The following PNKD variants were observed in gnomAD, a reference collection of about 807,000 sequenced individuals.
PNKD encodes PNKD metallo-beta-lactamase domain containing.
In PNKD, 36 loss-of-function variants were observed where a neutral mutation model predicts 45.3. The observed-to-expected ratio is 0.80, with a 90% CI of 0.61 to 1.05. The LOEUF (loss-of-function observed/expected upper bound fraction) is 1.05, where lower values mean the gene tolerates loss of function less well. Ranked by LOEUF, PNKD falls within the 50% of genes least tolerant of loss-of-function variation. The pLI is 0.00. For synonymous variants in PNKD, 197 were observed against 210.1 expected (o/e 0.94, Z 0.54); for missense variants, 511 against 506.6 (o/e 1.01, Z -0.08).
intron 2 of PNKD, chr2:218,282,274 C>G: frequency 1.4e-6 from 1 of 712,646 alleles, no homozygotes; most frequent in Admixed American, 4.0e-5. Context: ...AGGCTGCCTC[C>G]GTGGAGAGGA....
chr2:218,271,373 A>T lies in PNKD; in HGVS notation c.68-8A>T. ...CTTCTTACTGACCTTCCTTACCTCC[A>T]TCCACAGGGATTCTCGCAGGAGCCA... On this transcript the variant is annotated splice_polypyrimidine_tract_variant and splice_region_variant and intron_variant, in intron 1 of 9. Coordinates refer to ENST00000273077, the MANE Select transcript of PNKD (RefSeq NM_015488.5). The T allele has an allele frequency of 6.2e-7, 1 of 1,613,226 alleles. No individual in the cohort carries two copies. Among genetic ancestry groups the T allele is most frequent in the Non-Finnish European group, 8.5e-7 (1 of 1,179,580 alleles).
Position 218,340,042 on chromosome 2 carries a change from TC to T in PNKD, c.369del (p.Ile124SerfsTer149). 6.2e-7 allele frequency: 1 copy of T among 1,612,246 alleles called. No individual in the cohort carries two copies. The highest frequency in any genetic ancestry group is 8.5e-7 in the Non-Finnish European group (1 of 1,178,384). ...CTCTGTCCCCAGGAGTGAAGGTGCT[TC>T]CCATCCCTGTCCTCTCGGACAACTA... is the stretch of plus-strand genomic sequence containing the variant. ...PRLFNGVKVL[P>X]IPVLSDNYSY... is the part of the protein sequence containing the mutation. On this transcript the variant is annotated frameshift_variant, in exon 4 of 10. Coordinates refer to ENST00000273077, the MANE Select transcript of PNKD (RefSeq NM_015488.5). LOFTEE classifies it high-confidence loss of function. The surrounding 1 kb of genome is among the most constrained non-coding windows in gnomAD (Gnocchi z 4.2).
intron 2 of PNKD, among the ~76,000 whole-genome samples, chr2:218,324,997 CTT>C (rs1167758595): frequency 8.0e-5 from 5 of 62,680 alleles, no homozygotes; most frequent in Non-Finnish European, 1.1e-4. Context: ...AAATAATTTT[CTT>C]TTTTTTTTTT....
chr2:218,323,274 T>G, intron 2 of PNKD: 1 of 1,536,332 alleles, frequency 6.5e-7, no homozygotes, highest in Non-Finnish European at 8.7e-7. Flanking sequence ...CAGCATGGCT[T>G]GGCAGGGCTG....
chr2:218,342,171 C>G, intron 7 of PNKD, 27 bp downstream of exon 7: 1 of 1,603,812 alleles, frequency 6.2e-7, no homozygotes, highest in South Asian at 1.1e-5. Flanking sequence ...GAGAGAGGAG[C>G]TGGGAGAGGA....
At chr2:218,272,141 C>T (rs1207727666) in intron 2 of PNKD, among the ~76,000 whole-genome samples, 1 of 149,930 alleles carries the variant, frequency 6.7e-6, no homozygotes, top group Non-Finnish European at 1.5e-5. Context: ...ACCAAAGTGC[C>T]TCCCAAGCAG....
chr2:218,298,153 G>A (rs1315443214), intron 2 of PNKD, among the ~76,000 whole-genome samples: 1 of 152,184 alleles, frequency 6.6e-6, no homozygotes, highest in Non-Finnish European at 1.5e-5. Context: ...ACTGGAAGTG[G>A]GTGGCACCAT....
chr2:218,280,534 G>A (rs1436899749), intron 2 of PNKD: 1 of 255,190 alleles, frequency 3.9e-6, no homozygotes, highest in Non-Finnish European at 7.8e-6. Flanking sequence ...GCAGCAGCAG[G>A]GATAGAGGTG....
intron 2 of PNKD, among the ~76,000 whole-genome samples, chr2:218,331,678 G>C (rs1301416702): frequency 1.3e-5 from 2 of 152,114 alleles, no homozygotes; most frequent in African/African-American, 2.4e-5. Flanking sequence ...ATATTGGTCA[G>C]ACTGGTCTCC....
intron 2 of PNKD, among the ~76,000 whole-genome samples, chr2:218,339,049 C>G (rs1399069590): frequency 6.6e-6 from 1 of 151,078 alleles, no homozygotes; most frequent in South Asian, 2.1e-4. Flanking sequence ...CTCTCTCCTT[C>G]CCTCCCAAGG....
At chr2:218,342,624 C>T (rs895083961) in intron 7 of PNKD, among the ~76,000 whole-genome samples, 2 of 151,918 alleles carry the variant, frequency 1.3e-5, no homozygotes, top group South Asian at 2.1e-4. Context: ...TGCTTGAACC[C>T]GAGAGGTAGA....
intron 2 of PNKD, chr2:218,275,442 G>A: frequency 6.3e-7 from 1 of 1,599,832 alleles, no homozygotes; most frequent in Non-Finnish European, 8.5e-7. Context: ...GGAAGGGAGA[G>A]CCCAGGATCG....
chr2:218,317,270 A>G (rs78507634), intron 2 of PNKD, among the ~76,000 whole-genome samples: 5,459 of 152,242 alleles, frequency 0.036, 104 homozygotes, highest in Middle Eastern at 0.044. Flanking sequence ...CAAACCTACT[A>G]AGTTTGAATC....
intron 2 of PNKD, among the ~76,000 whole-genome samples, chr2:218,283,660 C>A (rs1049829049): frequency 6.6e-6 from 1 of 152,184 alleles, no homozygotes; most frequent in Non-Finnish European, 1.5e-5. Flanking sequence ...CTTTTTAGGG[C>A]ACATTGCATA....
intron 2 of PNKD, among the ~76,000 whole-genome samples, chr2:218,329,696 T>G (rs1340499451): frequency 6.6e-6 from 1 of 152,222 alleles, no homozygotes; most frequent in East Asian, 1.9e-4. Context: ...CTCCTGTGCA[T>G]GCGGAAGTCC....
At chr2:218,341,959 C>A (rs1694689992) in intron 6 of PNKD, 22 bp from the exon 7 acceptor site, 9 of 1,594,448 alleles carry the variant, frequency 5.6e-6, no homozygotes, top group Non-Finnish European at 7.7e-6. Context: ...TACCTTCTGT[C>A]CCCTGCTCCC....
chr2:218,332,729 T>G (rs1009299405), intron 2 of PNKD, among the ~76,000 whole-genome samples: 1 of 145,334 alleles, frequency 6.9e-6, no homozygotes, highest in African/African-American at 2.6e-5. Flanking sequence ...CTCTCCCACC[T>G]GGATGACTCG....
intron 9 of PNKD, 56 bp from the exon 10 acceptor site, chr2:218,344,752 G>A (rs745589065): frequency 4.4e-6 from 7 of 1,573,290 alleles, no homozygotes; most frequent in African/African-American, 1.3e-5. Context: ...AGGCTTCTCT[G>A]TCTTGGGTCC....
At position 218,297,706 on chromosome 2, in the gene PNKD, A is replaced by AAAC. The variant is rs779518751; in HGVS notation, c.236+26158_236+26159insACA. 2.7e-3 allele frequency among the ~76,000 whole-genome samples: 322 copies of AAAC among 117,160 alleles called. 24 individuals are homozygous for AAAC. The highest frequency in any genetic ancestry group is 8.4e-3 in the African/African-American group (236 of 28,114). 76.9% of individuals were successfully genotyped at this position (117,160 alleles called of 152,430 possible). A position where few individuals can be genotyped will look rare whatever the true frequency, so the allele number is the denominator to read the frequency against. On this transcript the variant is annotated intron_variant, in intron 2 of 9. Coordinates refer to ENST00000273077, the MANE Select transcript of PNKD (RefSeq NM_015488.5). ...TCTCAAAAAAAAAAAAAAAAAAAAA[A>AAAC]AGAGAGAAGAAAAGAAATCACAGTG... is the stretch of plus-strand genomic sequence containing the variant.
Sources: gnomAD v4.1 joint callset for allele counts (sites outside exome capture counted in the v4.1 genomes callset) on GRCh38, gnomAD v4.1.1 for gene constraint, Gnocchi (gnomAD v3.1) non-coding constraint, MANE v1.5 for transcripts, NCBI Gene and HGNC (gene_info 2026-07-23, HGNC 2026-07-21) for gene names.